NRXN3: variants seen among roughly 807,000 people sequenced by gnomAD.
NRXN3 encodes neurexin III.
A neutral mutation model predicts 137.6 loss-of-function variants in NRXN3; 32 were observed. The ratio of observed to expected loss-of-function variants is 0.23; its 90% CI spans 0.18 to 0.31. The LOEUF (loss-of-function observed/expected upper bound fraction) is 0.31. NRXN3 is among the 10% of genes least tolerant of loss of function. The probability of loss-of-function intolerance (pLI) is 1.00; values close to 1 mark genes in which losing one functional copy is unlikely to be tolerated. For synonymous variants in NRXN3, 798 were observed against 784.5 expected, an observed-to-expected ratio of 1.02 and a Z score of -0.29; for missense variants, 1,574 against 2,062.5, an observed-to-expected ratio of 0.76 and a Z score of 4.59.
At chr14:78,721,856 TG>T (rs1473123850) in intron 8 of NRXN3, among the ~76,000 whole-genome samples, 2 of 152,110 alleles carry the variant, frequency 1.3e-5, no homozygotes, top group East Asian at 3.9e-4. Context: ...TTTTTTTGTT[TG>T]TTTTTTTGCT....
At chr14:78,190,648 TTTATTTAC>T (rs60328497) in intron 1 of NRXN3, among the ~76,000 whole-genome samples, 3,282 of 33,976 alleles carry the variant, frequency 0.097, 64 homozygotes, top group African/African-American at 0.27. Context: ...TATTTATTTA[TTTATTTAC>T]TTACTTACTT....
At chr14:79,010,264 A>G (rs1402915160) in intron 15 of NRXN3, among the ~76,000 whole-genome samples, 2 of 152,180 alleles carry the variant, frequency 1.3e-5, no homozygotes, top group African/African-American at 2.4e-5. Context: ...ATTTTGGTAC[A>G]GTGACTTGAG....
At chr14:78,517,975 G>A (rs556705815) in intron 4 of NRXN3, among the ~76,000 whole-genome samples, 3 of 152,260 alleles carry the variant, frequency 2.0e-5, no homozygotes, top group Non-Finnish European at 4.4e-5. Context: ...TAGACAAATG[G>A]ATCTTTTGGG....
intron 4 of NRXN3, among the ~76,000 whole-genome samples, chr14:78,637,138 C>T (rs1188901268): frequency 6.6e-6 from 1 of 152,168 alleles, no homozygotes; most frequent in East Asian, 1.9e-4. Context: ...TCCCCATCCC[C>T]AGTGCTCAAG....
chr14:78,726,016 T>C (rs1273323045), intron 8 of NRXN3, among the ~76,000 whole-genome samples: 1 of 152,190 alleles, frequency 6.6e-6, no homozygotes, highest in Admixed American at 6.5e-5. Context: ...TCTCTGGGTC[T>C]TCCACTCCTG....
intron 15 of NRXN3, among the ~76,000 whole-genome samples, chr14:79,387,055 G>C (rs1599555440): frequency 6.6e-6 from 1 of 152,116 alleles, no homozygotes; most frequent in Non-Finnish European, 1.5e-5. Flanking sequence ...AGGACTTCAT[G>C]TCTAAAACAC....
At chr14:78,409,604 G>A (rs1435002321) in intron 4 of NRXN3, among the ~76,000 whole-genome samples, 2 of 152,206 alleles carry the variant, frequency 1.3e-5, no homozygotes, top group African/African-American at 2.4e-5. Context: ...AGGCACCTGA[G>A]ATGAGGAAGG....
intron 15 of NRXN3, among the ~76,000 whole-genome samples, chr14:79,007,828 A>AT (rs2099556670): frequency 6.7e-6 from 1 of 148,646 alleles, no homozygotes; most frequent in Non-Finnish European, 1.5e-5. Flanking sequence ...AAAAAAAAAA[A>AT]GCAGAAAAAT....
intron 8 of NRXN3, among the ~76,000 whole-genome samples, chr14:78,793,919 G>A (rs1178880507): frequency 6.6e-6 from 1 of 152,134 alleles, no homozygotes; most frequent in Non-Finnish European, 1.5e-5. Context: ...TTTCTTGGGA[G>A]TGCACAGTTT....
intron 5 of NRXN3, chr14:78,649,201 GTTT>G: frequency 8.4e-7 from 1 of 1,186,144 alleles, no homozygotes; most frequent in East Asian, 5.1e-5. Flanking sequence ...TTTGTTTTTA[GTTT>G]TTTTAATTAA....
intron 15 of NRXN3, among the ~76,000 whole-genome samples, chr14:79,127,207 T>C (rs921417087): frequency 2.6e-5 from 4 of 152,226 alleles, no homozygotes; most frequent in Admixed American, 1.3e-4. Context: ...ATTTTGGCTT[T>C]GGTTGCCATT....
Position 78,936,337 on chromosome 14 carries a change from C to T in NRXN3, c.2276-20905C>T, listed in dbSNP as rs553443140. Among the ~76,000 whole-genome samples, 6 of 152,274 alleles carry T rather than the reference C, an allele frequency of 3.9e-5. No individual in the cohort carries two copies. The South Asian group carries it at 1.2e-3, about 32-fold the overall frequency. On this transcript the variant is annotated intron_variant, in intron 10 of 20. Transcript: ENST00000335750. ...CTACAATCAGCAGGACAAATATTCC[C>T]CACCACCTCTTTTCATAAATAACCA...
intron 15 of NRXN3, among the ~76,000 whole-genome samples, chr14:79,309,833 C>G (rs2153229247): frequency 7.3e-6 from 1 of 136,834 alleles, no homozygotes; most frequent in South Asian, 2.4e-4. Flanking sequence ...TGGATATTAG[C>G]CCTTTGTCAG....
intron 4 of NRXN3, among the ~76,000 whole-genome samples, chr14:78,625,123 A>G (rs932585125): frequency 1.3e-5 from 2 of 152,200 alleles, no homozygotes; most frequent in Non-Finnish European, 2.9e-5. Flanking sequence ...TACAGGCGTG[A>G]GCCACCGCAC....
At chr14:78,801,337 A>G (rs115855867) in intron 8 of NRXN3, among the ~76,000 whole-genome samples, 3,133 of 152,276 alleles carry the variant, frequency 0.021, 108 homozygotes, top group African/African-American at 0.071. Flanking sequence ...AAGAAAAGAA[A>G]TACATGAGAC....
At chr14:78,894,134 A>G (rs1320790846) in intron 10 of NRXN3, among the ~76,000 whole-genome samples, 5 of 152,024 alleles carry the variant, frequency 3.3e-5, no homozygotes, top group Non-Finnish European at 2.9e-5. Flanking sequence ...CTAAAATAAG[A>G]CAACAATGAA....
intron 4 of NRXN3, among the ~76,000 whole-genome samples, chr14:78,488,751 AAGG>A (rs547129617): frequency 1.8e-4 from 27 of 148,956 alleles, no homozygotes; most frequent in Admixed American, 8.0e-4. Context: ...AGGAGAAAGA[AAGG>A]AGGAGGAGGA....
At chr14:79,173,348 G>T (rs1210140352) in intron 15 of NRXN3, among the ~76,000 whole-genome samples, 1 of 151,834 alleles carries the variant, frequency 6.6e-6, no homozygotes, top group Non-Finnish European at 1.5e-5. Context: ...TGGGCGACAT[G>T]ATGAGACCCT....
At chr14:78,440,015 G>T (rs1443873260) in intron 4 of NRXN3, among the ~76,000 whole-genome samples, 4 of 152,166 alleles carry the variant, frequency 2.6e-5, no homozygotes, top group African/African-American at 9.7e-5. Context: ...TGAGGGCATT[G>T]CCCGCATTCC....
Sources: allele counts gnomAD v4.1 joint callset (sites outside exome capture counted in the v4.1 genomes callset), GRCh38; gene constraint gnomAD v4.1.1; transcripts MANE v1.5; gene names NCBI Gene and HGNC (gene_info 2026-07-23, HGNC 2026-07-21).